Variants in FGF1 observed in about 807,000 individuals in gnomAD.
The protein encoded by FGF1 is beta-endothelial cell growth factor.
A neutral mutation model predicts 13.4 loss-of-function variants in FGF1; 9 were observed. The ratio of observed to expected loss-of-function variants is 0.67; its 90% CI spans 0.40 to 1.17. The LOEUF (loss-of-function observed/expected upper bound fraction) is 1.17. Ranked by LOEUF, FGF1 falls within the 50% of genes most tolerant of loss-of-function variation. The pLI is 0.01. For synonymous variants in FGF1, 93 were observed against 79.0 expected, an observed-to-expected ratio of 1.18 and a Z score of -0.94; for missense variants, 156 against 192.7, an observed-to-expected ratio of 0.81 and a Z score of 1.13.
intron 2 of FGF1, among the ~76,000 whole-genome samples, chr5:142,611,315 C>A (rs971923353): frequency 2.0e-5 from 3 of 152,130 alleles, no homozygotes; most frequent in Non-Finnish European, 4.4e-5. Flanking sequence ...CCTGCAGAAC[C>A]CTAGTAAATA....
At chr5:142,672,191 A>G (rs997854837) in intron 1 of FGF1, among the ~76,000 whole-genome samples, 2 of 152,216 alleles carry the variant, frequency 1.3e-5, no homozygotes, top group Admixed American at 1.3e-4. Context: ...GCATAAATCA[A>G]TGTTACCAAT....
In FGF1 at chr5:142,640,428, G is replaced by GC. The variant is rs968705364; in HGVS notation, c.-34-26268_-34-26267insG. ...GTGCACCAGGAGGTGGAGTATGGTG[G>GC]GGGGGGGGGTCTCTCTGAGAAGCGG... On this transcript the variant is annotated intron_variant, in intron 1 of 3. Coordinates refer to ENST00000337706, the MANE Select transcript of FGF1 (RefSeq NM_000800.5). Among the ~76,000 whole-genome samples, 36 of 142,322 alleles carry GC rather than the reference G, an allele frequency of 2.5e-4. 1 individual carries two copies. Among genetic ancestry groups the GC allele is most frequent in the African/African-American group, 8.6e-4 (33 of 38,234 alleles). 93.4% of individuals were successfully genotyped at this position (142,322 alleles called of 152,430 possible).
chr5:142,608,718 T>TAC (rs1024990221), intron 2 of FGF1, among the ~76,000 whole-genome samples: 36 of 146,866 alleles, frequency 2.5e-4, no homozygotes, highest in Admixed American at 6.8e-4. Flanking sequence ...CATATATATA[T>TAC]ACACACACAC....
chr5:142,680,491 T>C (rs942116197), intron 1 of FGF1, among the ~76,000 whole-genome samples: 1 of 152,224 alleles, frequency 6.6e-6, no homozygotes, highest in Non-Finnish European at 1.5e-5. Context: ...GGTAAGCTGC[T>C]AGTTCTGAGT....
At chr5:142,612,194 G>A (rs541361889) in intron 2 of FGF1, among the ~76,000 whole-genome samples, 3 of 152,288 alleles carry the variant, frequency 2.0e-5, no homozygotes, top group South Asian at 2.1e-4. Flanking sequence ...TAAGTCAGGC[G>A]GCCAAATCCA....
At chr5:142,630,370 C>T (rs1763171635) in intron 1 of FGF1, among the ~76,000 whole-genome samples, 1 of 152,190 alleles carries the variant, frequency 6.6e-6, no homozygotes, top group Non-Finnish European at 1.5e-5. Context: ...CCACTGTCCA[C>T]AGCAGGTCCA....
rs562628695 is a variant in FGF1, at chr5:142,669,218, G to A, written c.-35+16739C>T. 2.6e-5 allele frequency among the ~76,000 whole-genome samples: 4 copies of A among 152,312 alleles called. No individual in the cohort carries two copies. In the South Asian group the frequency reaches 8.3e-4, roughly 32 times the overall value. ...GGAGCCAGTGGAGACTTTGGAGAAG[G>A]GAATTTGGAAATTCTTCTGGAAAAT... On this transcript the variant is annotated intron_variant, in intron 1 of 3. Coordinates refer to ENST00000337706, the MANE Select transcript of FGF1 (RefSeq NM_000800.5).
At position 142,613,958 on chromosome 5, in the gene FGF1, C is replaced by A; in HGVS notation, c.169+1G>T. 1 of 1,613,542 alleles carries A rather than the reference C, an allele frequency of 6.2e-7. No homozygotes were observed. On this transcript the variant is annotated splice_donor_variant, in intron 2 of 3. Transcript: ENST00000337706. LOFTEE classifies it high-confidence loss of function. ...GGGGGGTGCCATAGAGATGGGCTTA[C>A]TGTGCTGGTCGCTCCTGTCCCTTGT...
chr5:142,670,726 A>G (rs1047631807), intron 1 of FGF1, among the ~76,000 whole-genome samples: 15 of 152,214 alleles, frequency 9.9e-5, no homozygotes, highest in Non-Finnish European at 2.1e-4. Flanking sequence ...TTATTTGGAA[A>G]TTACGATGTG....
intron 1 of FGF1, among the ~76,000 whole-genome samples, chr5:142,682,877 G>C (rs1248165249): frequency 1.3e-5 from 2 of 151,936 alleles, no homozygotes; most frequent in East Asian, 3.9e-4. Flanking sequence ...GCTTGTTCTT[G>C]TTCCTGTACC....
At chr5:142,626,370 A>G (rs150094131) in intron 1 of FGF1, among the ~76,000 whole-genome samples, 2 of 152,182 alleles carry the variant, frequency 1.3e-5, no homozygotes, top group Non-Finnish European at 2.9e-5. Flanking sequence ...CTTTTCTAAG[A>G]TCATACCACT....
At chr5:142,640,352 A>G (rs1294630197) in intron 1 of FGF1, among the ~76,000 whole-genome samples, 1 of 145,708 alleles carries the variant, frequency 6.9e-6, no homozygotes, top group African/African-American at 2.5e-5. Context: ...AAATGGTGCT[A>G]ATTCCCGTAT....
chr5:142,600,846 C>G (rs780775201), intron 2 of FGF1, 41 bp from the exon 3 acceptor site: 3 of 1,467,170 alleles, frequency 2.0e-6, no homozygotes, highest in Non-Finnish European at 2.8e-6. Flanking sequence ...ATAAACACTA[C>G]GCTTTTGCCG....
In FGF1 at chr5:142,616,060, T is replaced by C. The variant is rs12654718; in HGVS notation, c.-34-1899A>G. Among the ~76,000 whole-genome samples, 419 of 152,332 alleles carry C rather than the reference T, an allele frequency of 2.8e-3. 25 individuals are homozygous for C. The East Asian group carries it at 0.071, about 26-fold the overall frequency. On this transcript the variant is annotated intron_variant, in intron 1 of 3. Coordinates refer to ENST00000337706, the MANE Select transcript of FGF1 (RefSeq NM_000800.5). ...CACCCCAGCAGCTTCGTGAGCATCA[T>C]GGAAGACCAGCAGCTACCCTGCCTT...
At chr5:142,660,910 C>G (rs1322238605) in intron 1 of FGF1, among the ~76,000 whole-genome samples, 2 of 152,226 alleles carry the variant, frequency 1.3e-5, no homozygotes, top group African/African-American at 2.4e-5. Context: ...CTGTGTTCCT[C>G]CTTCCTTCTC....
intron 1 of FGF1, among the ~76,000 whole-genome samples, chr5:142,674,657 G>A (rs1772160414): frequency 6.6e-6 from 1 of 152,092 alleles, no homozygotes; most frequent in Non-Finnish European, 1.5e-5. Context: ...ACTGACTTTG[G>A]GGCTGCAATA....
chr5:142,677,746 C>T (rs1188715136), intron 1 of FGF1, among the ~76,000 whole-genome samples: 1 of 152,168 alleles, frequency 6.6e-6, no homozygotes, highest in African/African-American at 2.4e-5. Flanking sequence ...AGCACCTACC[C>T]TGTGGCACGG....
At chr5:142,666,279 T>TACAC (rs70991775) in intron 1 of FGF1, among the ~76,000 whole-genome samples, 7,819 of 62,486 alleles carry the variant, frequency 0.13, 669 homozygotes, top group African/African-American at 0.24. Flanking sequence ...GAGCATGTAA[T>TACAC]ACACACACAC....
At chr5:142,690,945 T>A (rs1367916771), upstream of FGF1, among the ~76,000 whole-genome samples, 2 of 152,180 alleles carry the variant, frequency 1.3e-5, no homozygotes, top group Non-Finnish European at 2.9e-5. Context: ...GAATTATGCA[T>A]TTATTTTCTG....
Sources: allele counts gnomAD v4.1 joint callset (sites outside exome capture counted in the v4.1 genomes callset), GRCh38; gene constraint gnomAD v4.1.1; transcripts MANE v1.5; gene names NCBI Gene and HGNC (gene_info 2026-07-23, HGNC 2026-07-21).